The following PKP1 variants were observed in gnomAD, a reference collection of about 807,000 sequenced individuals.
PKP1 encodes the protein plakophilin 1.
PKP1 carries 27 observed loss-of-function variants against 76.4 expected under a neutral mutation model. That is an observed-to-expected ratio of 0.35 (90% CI 0.26 to 0.49). PKP1 has a LOEUF of 0.49. PKP1 is among the 20% of genes least tolerant of loss of function. The probability of loss-of-function intolerance (pLI) is 0.99; values close to 1 mark genes in which losing one functional copy is unlikely to be tolerated. For synonymous variants in PKP1, 404 were observed against 384.2 expected (o/e 1.05, Z -0.60); for missense variants, 964 against 955.2 (o/e 1.01, Z -0.12).
intron 2 of PKP1, among the ~76,000 whole-genome samples, chr1:201,310,027 G>A (rs143097759): frequency 1.8e-4 from 28 of 152,292 alleles, no homozygotes; most frequent in African/African-American, 6.3e-4. Flanking sequence ...AGACTAGCAC[G>A]GGGCTCTGAT....
At chr1:201,327,248 G>A (rs1224019467) in intron 12 of PKP1, among the ~76,000 whole-genome samples, 1 of 152,200 alleles carries the variant, frequency 6.6e-6, no homozygotes, top group African/African-American at 2.4e-5. Context: ...AGAGGGAGTA[G>A]GCAAAGAAGG....
At chr1:201,326,586 T>C (rs1779282) in intron 12 of PKP1, among the ~76,000 whole-genome samples, 147,850 of 152,332 alleles carry the variant, frequency 0.97, 71,877 homozygotes, top group East Asian at 1. Flanking sequence ...GTTATATTCA[T>C]AAAGACACAT....
intron 1 of PKP1, among the ~76,000 whole-genome samples, chr1:201,288,151 G>A (rs760312572): frequency 6.6e-6 from 1 of 152,130 alleles, no homozygotes; most frequent in Non-Finnish European, 1.5e-5. Context: ...TGGACAAGTC[G>A]CTGCCTCTCT....
intron 9 of PKP1, among the ~76,000 whole-genome samples, chr1:201,323,771 GA>G (rs1657022293): frequency 6.6e-6 from 1 of 152,160 alleles, no homozygotes; most frequent in Non-Finnish European, 1.5e-5. Flanking sequence ...CACTAGAGTA[GA>G]CCGAGGGCAG....
At chr1:201,296,642 T>C (rs713292) in intron 2 of PKP1, among the ~76,000 whole-genome samples, 74,349 of 152,176 alleles carry the variant, frequency 0.49, 22,059 homozygotes, top group East Asian at 0.77. Context: ...AATCTGACTT[T>C]GCCCTCAATG....
In PKP1 at chr1:201,313,546, T is replaced by G; in HGVS notation, c.687T>G (p.Ser229=). 1 of 1,613,220 alleles carries G rather than the reference T, an allele frequency of 6.2e-7. No individual in the cohort carries two copies. The highest frequency in any genetic ancestry group is 1.1e-5 in the South Asian group (1 of 91,024). The part of the protein sequence containing the change: ...SCNKDLSFGH[S]RASSKICSED... ...ACAAGGACCTGTCCTTTGGCCACTCTAGGGCCAGCTCCAAGTGAGTGCTGC... is the reference window on the plus strand; with the variant it reads ...ACAAGGACCTGTCCTTTGGCCACTCGAGGGCCAGCTCCAAGTGAGTGCTGC... The change falls in exon 3 of 14, where the codon TCT becomes TCG. Residue 229 remains serine (S), a synonymous_variant. Transcript: ENST00000367324.
At chr1:201,323,211 C>T in intron 9 of PKP1, 22 bp downstream of exon 9, 1 of 1,609,856 alleles carries the variant, frequency 6.2e-7, no homozygotes, top group South Asian at 1.1e-5. Context: ...TGTACCTTCT[C>T]TACTGCAGCA....
intron 6 of PKP1, 53 bp from the exon 7 acceptor site, chr1:201,320,214 C>A: frequency 8.6e-7 from 1 of 1,156,824 alleles, no homozygotes; most frequent in East Asian, 2.4e-5. Context: ...CCCACCTTCC[C>A]CGTTCTCTCT....
intron 2 of PKP1, among the ~76,000 whole-genome samples, chr1:201,296,743 A>G (rs1490416615): frequency 1.3e-5 from 2 of 152,238 alleles, no homozygotes; most frequent in African/African-American, 2.4e-5. Context: ...CAATACTGCC[A>G]TTGCTCAGAA....
chr1:201,313,759 C>T (rs1452310564), intron 3 of PKP1, among the ~76,000 whole-genome samples, 199 bp downstream of exon 3: 1 of 152,210 alleles, frequency 6.6e-6, no homozygotes, highest in Non-Finnish European at 1.5e-5. Flanking sequence ...TCAAGAAGTT[C>T]TTAGTGTGAA....
At chr1:201,301,848 T>A (rs574984381) in intron 2 of PKP1, among the ~76,000 whole-genome samples, 2 of 152,042 alleles carry the variant, frequency 1.3e-5, no homozygotes, top group Non-Finnish European at 2.9e-5. Flanking sequence ...CAAGAAGATA[T>A]AATTAAAAGC....
chr1:201,311,755 C>T (rs1656559532), intron 2 of PKP1, among the ~76,000 whole-genome samples: 1 of 152,212 alleles, frequency 6.6e-6, no homozygotes, highest in African/African-American at 2.4e-5. Flanking sequence ...TTGGCCCTGG[C>T]CCATCCCAGC....
At chr1:201,285,916 A>G (rs1655720283) in intron 1 of PKP1, among the ~76,000 whole-genome samples, 1 of 152,196 alleles carries the variant, frequency 6.6e-6, no homozygotes, top group African/African-American at 2.4e-5. Flanking sequence ...AGAAACTCCA[A>G]GGTCTAGCCC....
At chr1:201,324,686 T>C in intron 10 of PKP1, 105 bp downstream of exon 10, 1 of 1,440,008 alleles carries the variant, frequency 6.9e-7, no homozygotes, top group Non-Finnish European at 9.7e-7. Flanking sequence ...GGGATGAGCA[T>C]TCCAAGAAAG....
At chr1:201,325,526 G>A (rs936411420) in intron 11 of PKP1, among the ~76,000 whole-genome samples, 1 of 152,072 alleles carries the variant, frequency 6.6e-6, no homozygotes, top group Non-Finnish European at 1.5e-5. Flanking sequence ...TGGCCCCTGA[G>A]GAGAGTCCTG....
intron 1 of PKP1, among the ~76,000 whole-genome samples, chr1:201,288,880 G>T (rs1655817119): frequency 6.6e-6 from 1 of 152,202 alleles, no homozygotes; most frequent in South Asian, 2.1e-4. Flanking sequence ...TCCCAGCAGA[G>T]CCTGAGGGAG....
At chr1:201,296,478 C>G (rs927423148) in intron 2 of PKP1, among the ~76,000 whole-genome samples, 3 of 152,170 alleles carry the variant, frequency 2.0e-5, no homozygotes, top group Non-Finnish European at 4.4e-5. Flanking sequence ...TTTGTCTGCA[C>G]AAGCATCATC....
chr1:201,316,798 C>T (rs959977495), intron 4 of PKP1, 101 bp downstream of exon 4: 19 of 1,291,706 alleles, frequency 1.5e-5, no homozygotes, highest in Non-Finnish European at 2.1e-5. Flanking sequence ...CTGCAGTTGG[C>T]TTCTCTTGCC....
intron 2 of PKP1, among the ~76,000 whole-genome samples, chr1:201,308,858 C>G (rs1206796817): frequency 6.6e-6 from 1 of 152,012 alleles, no homozygotes. Context: ...GGGACCAGAG[C>G]CCTGGGGGCT....
Sources: gnomAD v4.1 joint callset for allele counts (sites outside exome capture counted in the v4.1 genomes callset) on GRCh38, gnomAD v4.1.1 for gene constraint, MANE v1.5 for transcripts, NCBI Gene and HGNC (gene_info 2026-07-23, HGNC 2026-07-21) for gene names.